The following LRP6 variants were observed in gnomAD, a reference collection of about 807,000 sequenced individuals.
The protein encoded by LRP6 is LDL receptor related protein 6.
LRP6 carries 43 observed loss-of-function variants against 184.1 expected under a neutral mutation model. That is an observed-to-expected ratio of 0.23 (90% CI 0.18 to 0.30). LRP6 has a LOEUF of 0.30. Among genes scored for constraint, LRP6 ranks in the 10% least tolerant of loss-of-function variants. The probability of loss-of-function intolerance (pLI) is 1.00; values close to 1 mark genes in which losing one functional copy is unlikely to be tolerated. For missense variants in LRP6, 1,571 were observed against 2,005.3 expected (o/e 0.78, Z 4.14); for synonymous variants, 719 against 684.9 (o/e 1.05, Z -0.78).
chr12:12,256,111 C>T (rs931454992), intron 1 of LRP6, among the ~76,000 whole-genome samples: 1 of 152,056 alleles, frequency 6.6e-6, no homozygotes, highest in African/African-American at 2.4e-5. Flanking sequence ...AAGGAGTTGG[C>T]CCAGGTAATT....
intron 2 of LRP6, among the ~76,000 whole-genome samples, chr12:12,212,711 G>A (rs938976316): frequency 3.9e-5 from 6 of 152,126 alleles, no homozygotes; most frequent in Non-Finnish European, 7.3e-5. Context: ...AGCTATATAT[G>A]CTTCACTGAC....
intron 5 of LRP6, among the ~76,000 whole-genome samples, chr12:12,181,964 A>T (rs939010643): frequency 2.0e-5 from 3 of 152,250 alleles, no homozygotes; most frequent in African/African-American, 7.2e-5. Context: ...ATGCTATGTA[A>T]GTTACATCTC....
At chr12:12,259,927 G>A (rs935687903) in intron 1 of LRP6, among the ~76,000 whole-genome samples, 14 of 152,150 alleles carry the variant, frequency 9.2e-5, no homozygotes, top group Non-Finnish European at 1.3e-4. Flanking sequence ...CTGAATAATT[G>A]TTGTAAACAA....
chr12:12,215,342 AT>A (rs942105415), intron 2 of LRP6, among the ~76,000 whole-genome samples: 3 of 152,220 alleles, frequency 2.0e-5, no homozygotes, highest in Non-Finnish European at 4.4e-5. Flanking sequence ...ATGAAAAAAA[AT>A]AATAAAAATA....
chr12:12,137,653 G>A (rs1055755934), intron 16 of LRP6, among the ~76,000 whole-genome samples: 1 of 151,886 alleles, frequency 6.6e-6, no homozygotes, highest in African/African-American at 2.4e-5. Flanking sequence ...GCTATGGGGG[G>A]AAGTATAGAG....
At position 12,147,373 on chromosome 12, in the gene LRP6, A is replaced by C; in HGVS notation, c.3390T>G (p.Asp1130Glu). 3 of 1,614,126 alleles carry C rather than the reference A, an allele frequency of 1.9e-6. No individual in the cohort carries two copies. The highest frequency in any genetic ancestry group is 2.5e-6 in the Non-Finnish European group (3 of 1,179,992). Residue 1130 changes from aspartate (D) to glutamate (E), a missense_variant, in exon 15 of 23, where the codon GAT becomes GAG. Transcript: ENST00000261349. ...DSDLRRIESS[D>E]LSGANRIVLE... is the part of the protein sequence containing the mutation. ...AACATATTTCTTGGGTACCTGAGAG[A>C]TCACTGCTTTCAATTCGCCGGAGAT...
chr12:12,146,039 G>A (rs1950002645), intron 15 of LRP6, among the ~76,000 whole-genome samples: 1 of 152,032 alleles, frequency 6.6e-6, no homozygotes, highest in Non-Finnish European at 1.5e-5. Flanking sequence ...GAATTTTTCT[G>A]AAATTTAATT....
chr12:12,140,989 T>G (rs1949926414), intron 15 of LRP6, among the ~76,000 whole-genome samples: 1 of 152,176 alleles, frequency 6.6e-6, no homozygotes, highest in African/African-American at 2.4e-5. Context: ...ATTTTATTTA[T>G]TCCAGCAAAC....
chr12:12,141,688 G>A (rs1160239588), intron 15 of LRP6, among the ~76,000 whole-genome samples: 1 of 152,136 alleles, frequency 6.6e-6, no homozygotes, highest in Non-Finnish European at 1.5e-5. Context: ...CCAGAGATGT[G>A]ATTTTAATTA....
At chr12:12,192,992 TAAAAGACTGAACTCATATAAAATA>T (rs1241919723) in intron 3 of LRP6, among the ~76,000 whole-genome samples, 3 of 152,052 alleles carry the variant, frequency 2.0e-5, no homozygotes, top group South Asian at 2.1e-4. Flanking sequence ...GAATTAATCT[TAAAAGACTGAACTCATATAAAATA>T]AAAAGACTGA....
intron 2 of LRP6, among the ~76,000 whole-genome samples, chr12:12,225,168 A>C (rs1183170190): frequency 6.6e-6 from 1 of 152,088 alleles, no homozygotes; most frequent in African/African-American, 2.4e-5. Context: ...AGCCAAAATC[A>C]CGCCACTGCA....
At position 12,181,100 on chromosome 12, in the gene LRP6, A is replaced by G; in HGVS notation, c.1316T>C (p.Ile439Thr). ...VTRLNGTMRKILISEDLEEPR... is the reference protein window; with the variant it reads ...VTRLNGTMRKTLISEDLEEPR... ...TTCCTCTAAGTCCTCTGAAATCAAG[A>G]TCTTCCTCATGGTCCCATTGAGCCT... The change falls in exon 6 of 23, where the codon ATC becomes ACC. Residue 439 changes from isoleucine (I) to threonine (T), a missense_variant. Around this residue, in one of 4 missense-constraint regions of LRP6, gnomAD observed 640 missense variants for 851.9 expected, o/e 0.75. Transcript: ENST00000261349. The G allele has an allele frequency of 6.2e-6, 10 of 1,614,098 alleles. No individual in the cohort carries two copies. Among genetic ancestry groups the G allele is most frequent in the Non-Finnish European group, 8.5e-6 (10 of 1,179,978 alleles).
chr12:12,131,718 A>T, intron 18 of LRP6, 103 bp downstream of exon 18: 1 of 884,590 alleles, frequency 1.1e-6, no homozygotes, highest in Non-Finnish European at 1.9e-6. Context: ...AGTCATATGT[A>T]CTTGAAAAAC....
rs937083613 is a variant in LRP6 at position 12,117,463 on chromosome 12, T to C, written c.*3663A>G. On this transcript the variant is annotated 3_prime_UTR_variant, in exon 23 of 23. Coordinates refer to ENST00000261349, the MANE Select transcript of LRP6 (RefSeq NM_002336.3). ...ATTTTTGTTTCTGAATCTTGTTAGATACGTAATGATAACCAATATGTAATT... is the reference window on the plus strand; with the variant it reads ...ATTTTTGTTTCTGAATCTTGTTAGACACGTAATGATAACCAATATGTAATT... 4.6e-5 allele frequency: 7 copies of C among 152,224 alleles called. No homozygotes were observed. The East Asian group carries it at 1.3e-3, about 29-fold the overall frequency. 9.4% of individuals were successfully genotyped at this position (152,224 alleles called of 1,614,324 possible). A position where few individuals can be genotyped will look rare whatever the true frequency, so the allele number is the denominator to read the frequency against.
At chr12:12,260,149 C>T (rs967122257) in intron 1 of LRP6, among the ~76,000 whole-genome samples, 2 of 152,010 alleles carry the variant, frequency 1.3e-5, no homozygotes, top group Non-Finnish European at 2.9e-5. Context: ...GAGGCCGAGG[C>T]GGCTGGATCA....
chr12:12,266,366 G>A (rs971288707), intron 1 of LRP6, among the ~76,000 whole-genome samples: 9 of 152,138 alleles, frequency 5.9e-5, no homozygotes, highest in Non-Finnish European at 1.3e-4. Flanking sequence ...AAGACCCCAG[G>A]CAGAGAGAGG....
At chr12:12,264,175 T>C (rs1362535957) in intron 1 of LRP6, among the ~76,000 whole-genome samples, 1 of 152,030 alleles carries the variant, frequency 6.6e-6, no homozygotes, top group Non-Finnish European at 1.5e-5. Flanking sequence ...GTTATACAAA[T>C]TAAATCTCAA....
chr12:12,242,278 A>C (rs1865086563), intron 2 of LRP6, among the ~76,000 whole-genome samples: 2 of 152,168 alleles, frequency 1.3e-5, no homozygotes, highest in African/African-American at 2.4e-5. Flanking sequence ...GTCTCTCCCA[A>C]GTTTTCTGTC....
intron 2 of LRP6, among the ~76,000 whole-genome samples, chr12:12,213,021 T>C (rs1864250603): frequency 6.6e-6 from 1 of 152,216 alleles, no homozygotes; most frequent in African/African-American, 2.4e-5. Context: ...TTATATCATA[T>C]AGCAGCTTCT....
Sources: allele counts gnomAD v4.1 joint callset (sites outside exome capture counted in the v4.1 genomes callset), GRCh38; gene constraint gnomAD v4.1.1; regional missense constraint gnomAD v4.1.1; transcripts MANE v1.5; gene names NCBI Gene and HGNC (gene_info 2026-07-23, HGNC 2026-07-21).